MAPK10: variants seen among roughly 807,000 people sequenced by gnomAD.
MAPK10 encodes the protein mitogen-activated protein kinase 10, also known as JNK3 alpha protein kinase.
In MAPK10, 25 loss-of-function variants were observed where a neutral mutation model predicts 59.3. The ratio of observed to expected loss-of-function variants is 0.42; its 90% confidence interval spans 0.31 to 0.59. The LOEUF (loss-of-function observed/expected upper bound fraction) is 0.59, where lower values mean the gene tolerates loss of function less well. Among genes scored for constraint, MAPK10 ranks in the 20% least tolerant of loss-of-function variants. MAPK10 has a pLI of 0.15. For missense variants in MAPK10, 351 were observed against 568.9 expected (o/e 0.62, Z 3.90); for synonymous variants, 190 against 200.5 (o/e 0.95, Z 0.44).
At chr4:86,336,784 C>CT (rs70948788) in intron 2 of MAPK10, among the ~76,000 whole-genome samples, 20,618 of 83,060 alleles carry the variant, frequency 0.25, 3,303 homozygotes, top group South Asian at 0.39. Flanking sequence ...GGAATGACTC[C>CT]TTTTTTTTTT....
chr4:86,565,155 C>T (rs995742534), intron 1 of MAPK10, among the ~76,000 whole-genome samples: 5 of 152,188 alleles, frequency 3.3e-5, no homozygotes, highest in Non-Finnish European at 7.3e-5. Flanking sequence ...ACTAACAACA[C>T]ATTAAGCAAA....
At chr4:86,103,085 G>GTGTA in intron 6 of MAPK10, 101 bp downstream of exon 6, 1 of 711,878 alleles carries the variant, frequency 1.4e-6, no homozygotes, top group Non-Finnish European at 2.5e-6. Context: ...CTGTGTGTGT[G>GTGTA]TGTGTGTGTG....
At chr4:86,090,016 A>T (rs1338727317) in intron 9 of MAPK10, among the ~76,000 whole-genome samples, 1 of 152,152 alleles carries the variant, frequency 6.6e-6, no homozygotes, top group African/African-American at 2.4e-5. Flanking sequence ...CTGGAATTCA[A>T]GGTGGAATTA....
At chr4:86,537,542 A>G (rs1758343347) in intron 1 of MAPK10, among the ~76,000 whole-genome samples, 1 of 152,228 alleles carries the variant, frequency 6.6e-6, no homozygotes, top group African/African-American at 2.4e-5. Context: ...AGTGTGCCAA[A>G]TGAGCATGAA....
At chr4:86,044,935 A>C (rs1368368922) in intron 11 of MAPK10, among the ~76,000 whole-genome samples, 1 of 152,158 alleles carries the variant, frequency 6.6e-6, no homozygotes, top group African/African-American at 2.4e-5. Context: ...AAACTTTCTT[A>C]AGTACTTGCA....
At chr4:86,343,613 C>T (rs1273916943) in intron 2 of MAPK10, among the ~76,000 whole-genome samples, 1 of 152,090 alleles carries the variant, frequency 6.6e-6, no homozygotes, top group African/African-American at 2.4e-5. Context: ...CTGAGTGTCC[C>T]CAAGACCTTT....
chr4:86,443,141 T>C (rs1213831021), intron 1 of MAPK10, among the ~76,000 whole-genome samples: 2 of 152,090 alleles, frequency 1.3e-5, no homozygotes, highest in African/African-American at 2.4e-5. Flanking sequence ...AGTTTTTGTG[T>C]TGAAAACTCC....
intron 3 of MAPK10, among the ~76,000 whole-genome samples, chr4:86,162,726 A>G (rs1031188200): frequency 2.0e-5 from 3 of 152,072 alleles, no homozygotes; most frequent in Admixed American, 6.6e-5. Context: ...TCAATCAGCT[A>G]CCATGTATAC....
intron 1 of MAPK10, among the ~76,000 whole-genome samples, chr4:86,482,275 G>A (rs1387441991): frequency 1.3e-5 from 2 of 152,172 alleles, no homozygotes; most frequent in Non-Finnish European, 2.9e-5. Flanking sequence ...TAATAGAGCA[G>A]TAGGTGATTA....
intron 1 of MAPK10, among the ~76,000 whole-genome samples, chr4:86,535,899 C>A (rs1758205986): frequency 6.6e-6 from 1 of 152,088 alleles, no homozygotes; most frequent in Non-Finnish European, 1.5e-5. Flanking sequence ...GATAGATAAA[C>A]CCAGAAGATT....
chr4:86,367,236 T>C (rs62307455), intron 1 of MAPK10, among the ~76,000 whole-genome samples: 1,657 of 152,234 alleles, frequency 0.011, 24 homozygotes, highest in Non-Finnish European at 0.014. Flanking sequence ...ACTGAATCAA[T>C]AGAACATGCT....
rs1448758614 is a variant in MAPK10, at chr4:86,017,490, C to A, written c.1253-120G>T. On this transcript the variant is annotated intron_variant, in intron 13 of 13. Coordinates refer to ENST00000641462, the MANE Select transcript of MAPK10 (RefSeq NM_138982.4). The surrounding 1 kb of genome is among the most constrained non-coding windows in gnomAD (Gnocchi z 4.4). ...GATGTCCAGTCCATCAATCATTTGG[C>A]AAGCCTTTATAGAGCAGCTGACATA... 8.0e-6 allele frequency: 9 copies of A among 1,131,616 alleles called. No homozygotes were observed. Among genetic ancestry groups the A allele is most frequent in the Non-Finnish European group, 1.2e-5 (9 of 776,034 alleles). The allele number at this position is 1,131,616 out of a possible 1,614,324, so 70.1% of individuals were successfully genotyped here. A position where few individuals can be genotyped will look rare whatever the true frequency, so the allele number is the denominator to read the frequency against.
intron 11 of MAPK10, among the ~76,000 whole-genome samples, chr4:86,055,627 A>G (rs1456713231): frequency 6.7e-6 from 1 of 150,014 alleles, no homozygotes; most frequent in East Asian, 1.9e-4. Flanking sequence ...GGTCATATTC[A>G]GTGTGATAGG....
intron 1 of MAPK10, among the ~76,000 whole-genome samples, chr4:86,552,971 C>G (rs1254642490): frequency 6.6e-6 from 1 of 152,096 alleles, no homozygotes; most frequent in African/African-American, 2.4e-5. Context: ...TTCATGCTGC[C>G]TGTTGTCCTA....
intron 1 of MAPK10, among the ~76,000 whole-genome samples, chr4:86,445,997 A>G (rs1200520848): frequency 6.6e-6 from 1 of 152,230 alleles, no homozygotes; most frequent in Non-Finnish European, 1.5e-5. Flanking sequence ...CTTATTCTTA[A>G]TTGATCTCAC....
chr4:86,540,724 G>C lies in MAPK10; in HGVS notation c.-263+53186C>G, dbSNP rs577364052. On this transcript the variant is annotated intron_variant, in intron 1 of 4. Transcript: ENST00000502302. The stretch of plus-strand genomic sequence containing the variant: ...CTGCAGGGAAGAGCATGGAGAAAGA[G>C]GGAAAAAAGAGAAGAAAGTCAGATG... 5.3e-5 allele frequency among the ~76,000 whole-genome samples: 8 copies of C among 152,110 alleles called. No homozygotes were observed. In the East Asian group the frequency reaches 1.2e-3, roughly 22 times the overall value.
At chr4:86,280,051 A>G (rs1430333405) in intron 2 of MAPK10, among the ~76,000 whole-genome samples, 1 of 152,212 alleles carries the variant, frequency 6.6e-6, no homozygotes, top group Non-Finnish European at 1.5e-5. Flanking sequence ...CATCAGCCTT[A>G]GCAAACAATT....
intron 2 of MAPK10, among the ~76,000 whole-genome samples, chr4:86,262,258 TG>T (rs2094018584): frequency 6.6e-6 from 1 of 152,182 alleles, no homozygotes; most frequent in South Asian, 2.1e-4. Context: ...TACAATCTTT[TG>T]CCCTTTTGCC....
rs185177467 is a variant in MAPK10, at chr4:86,540,320, G to A, written c.-263+53590C>T. ...GTGAGACCAGCCTGGGCAACATAGCGAAACTCTGTCTGTACGAAAAATACA... is the reference window on the plus strand; with the variant it reads ...GTGAGACCAGCCTGGGCAACATAGCAAAACTCTGTCTGTACGAAAAATACA... On this transcript the variant is annotated intron_variant, in intron 1 of 4. Transcript: ENST00000502302. Among the ~76,000 whole-genome samples, 497 of 151,750 alleles carry A rather than the reference G, an allele frequency of 3.3e-3. 1 individual carries two copies. Among genetic ancestry groups the A allele is most frequent in the Middle Eastern group, 0.014 (4 of 294 alleles).
Sources: gnomAD v4.1 joint callset for allele counts (sites outside exome capture counted in the v4.1 genomes callset) on GRCh38, gnomAD v4.1.1 for gene constraint, Gnocchi (gnomAD v3.1) non-coding constraint, MANE v1.5 for transcripts, NCBI Gene and HGNC (gene_info 2026-07-23, HGNC 2026-07-21) for gene names.